Variants in MMP26 observed in about 807,000 individuals in gnomAD.
MMP26 encodes matrix metallopeptidase 26, also known as matrix metalloproteinase-26.
In MMP26, 33 loss-of-function variants were observed where a neutral mutation model predicts 31.0. The ratio of observed to expected loss-of-function variants is 1.06; its 90% CI spans 0.81 to 1.42. The LOEUF (loss-of-function observed/expected upper bound fraction) is 1.42, where lower values mean the gene tolerates loss of function less well. Ranked by LOEUF, MMP26 falls within the 40% of genes most tolerant of loss-of-function variation. MMP26 has a pLI of 0.00. For synonymous variants in MMP26, 122 were observed against 114.9 expected (o/e 1.06, Z -0.40); for missense variants, 347 against 316.1 (o/e 1.10, Z -0.74).
intron 2 of MMP26, among the ~76,000 whole-genome samples, chr11:4,905,453 C>T (rs1368661494): frequency 1.3e-5 from 2 of 152,116 alleles, no homozygotes; most frequent in Non-Finnish European, 2.9e-5. Flanking sequence ...TCACAAAATA[C>T]AGTATGAATT....
intron 2 of MMP26, among the ~76,000 whole-genome samples, chr11:4,905,210 C>A (rs1234678561): frequency 6.6e-6 from 1 of 152,124 alleles, no homozygotes; most frequent in Non-Finnish European, 1.5e-5. Context: ...TGACATCTCA[C>A]AATCTGCTAC....
At chr11:4,787,976 G>A (rs1337508747) in intron 2 of MMP26, among the ~76,000 whole-genome samples, 8 of 152,102 alleles carry the variant, frequency 5.3e-5, no homozygotes, top group Non-Finnish European at 1.0e-4. Flanking sequence ...ATTAGTTTAA[G>A]ATAAAAAATC....
chr11:4,990,656 G>T lies in MMP26; in HGVS notation c.379G>T (p.Ala127Ser). 6.2e-7 allele frequency: 1 copy of T among 1,614,106 alleles called. No homozygotes were observed. Among genetic ancestry groups the T allele is most frequent in the South Asian group, 1.1e-5 (1 of 91,082 alleles). ...CGCAGTGAAAGACAGTATATATAAT[G>T]CAGTTTCCATCTGGAGCAATGTGAC... ...PSAVKDSIYN[A>S]VSIWSNVTPL... The change falls in exon 5 of 8, where the codon GCA (alanine) becomes TCA (serine). Residue 127 changes from alanine (A) to serine (S), a missense_variant. Coordinates refer to ENST00000380390, the MANE Select transcript of MMP26 (RefSeq NM_021801.5).
chr11:4,924,006 T>C (rs35666095), intron 2 of MMP26: 175,639 of 1,613,884 alleles, frequency 0.11, 10,549 homozygotes, highest in Non-Finnish European at 0.11. Context: ...GATGACTCCA[T>C]TGAAGACAAG....
chr11:4,705,530 T>G (rs1298953788), intron 1 of MMP26, among the ~76,000 whole-genome samples: 1 of 152,166 alleles, frequency 6.6e-6, no homozygotes, highest in Admixed American at 6.5e-5. Flanking sequence ...TTCCTGGTAG[T>G]CTGGTAATAG....
intron 1 of MMP26, among the ~76,000 whole-genome samples, chr11:4,716,805 G>A (rs753652015): frequency 1.3e-5 from 2 of 151,812 alleles, no homozygotes; most frequent in South Asian, 2.1e-4. Context: ...GGGATTACAC[G>A]TGTGTGCCAA....
At chr11:4,800,095 T>C (rs1252199171) in intron 2 of MMP26, among the ~76,000 whole-genome samples, 1 of 152,150 alleles carries the variant, frequency 6.6e-6, no homozygotes, top group Non-Finnish European at 1.5e-5. Context: ...TGGCCCCCCT[T>C]CCACAGGTCC....
chr11:4,809,427 C>T (rs939304977), intron 2 of MMP26, among the ~76,000 whole-genome samples: 2 of 152,170 alleles, frequency 1.3e-5, no homozygotes, highest in African/African-American at 2.4e-5. Context: ...GGGTTTGATT[C>T]CAACTATAAC....
At chr11:4,881,086 T>A (rs952666214) in intron 2 of MMP26, among the ~76,000 whole-genome samples, 1 of 152,154 alleles carries the variant, frequency 6.6e-6, no homozygotes, top group African/African-American at 2.4e-5. Flanking sequence ...ATTGCTCTGG[T>A]TAGCCAGCAA....
At chr11:4,899,724 C>A (rs1451496284) in intron 2 of MMP26, among the ~76,000 whole-genome samples, 1 of 152,144 alleles carries the variant, frequency 6.6e-6, no homozygotes, top group Non-Finnish European at 1.5e-5. Flanking sequence ...CTAATGACCT[C>A]TTTCCTTGCC....
intron 2 of MMP26, among the ~76,000 whole-genome samples, chr11:4,835,473 A>G (rs1209019949): frequency 6.6e-6 from 1 of 151,876 alleles, no homozygotes; most frequent in African/African-American, 2.4e-5. Context: ...CAGAGGGAGG[A>G]TAGGATCCTA....
At chr11:4,915,335 T>C in intron 2 of MMP26, 1 of 1,613,710 alleles carries the variant, frequency 6.2e-7, no homozygotes, top group Non-Finnish European at 8.5e-7. Flanking sequence ...GGAGAAGCAG[T>C]GAATGAAAAA....
rs1490361180 is a variant in MMP26 at position 4,989,658 on chromosome 11, A to T, written c.110A>T (p.His37Leu). The T allele has an allele frequency of 4.3e-6, 7 of 1,611,716 alleles. No homozygotes were observed. Among genetic ancestry groups the T allele is most frequent in the Non-Finnish European group, 5.9e-6 (7 of 1,179,676 alleles). ...CTTGATCTGATTCAGGGCTATTTCC[A>T]TCAATTTTTCCTGACCAAGAAGGAG... ...KGWDFVEGYF[H>L]QFFLTKKESP... Residue 37 changes from histidine (H) to leucine (L), a missense_variant, in exon 4 of 8, where the codon CAT (histidine) becomes CTT (leucine). By Grantham distance (99) the His-to-Leu change is moderately conservative. Coordinates refer to ENST00000380390, the MANE Select transcript of MMP26 (RefSeq NM_021801.5).
At chr11:4,761,807 C>A (rs773414696) in intron 1 of MMP26, among the ~76,000 whole-genome samples, 13 of 152,220 alleles carry the variant, frequency 8.5e-5, no homozygotes, top group Non-Finnish European at 1.8e-4. Context: ...CAGGTAATAG[C>A]ATAATGCCAG....
chr11:4,866,464 C>T (rs548408399), intron 2 of MMP26, among the ~76,000 whole-genome samples: 3 of 152,076 alleles, frequency 2.0e-5, no homozygotes, highest in Non-Finnish European at 4.4e-5. Context: ...ACATTTAATG[C>T]TCATGGATAG....
At chr11:4,767,817 A>G (rs907372242) in intron 2 of MMP26, among the ~76,000 whole-genome samples, 1 of 152,122 alleles carries the variant, frequency 6.6e-6, no homozygotes, top group Non-Finnish European at 1.5e-5. Flanking sequence ...TATTTTTCCA[A>G]TGGCAATAAA....
chr11:4,783,930 C>A (rs138033919), intron 2 of MMP26, among the ~76,000 whole-genome samples: 75 of 152,292 alleles, frequency 4.9e-4, no homozygotes, highest in African/African-American at 1.4e-3. Context: ...GCTTTAAGTC[C>A]AGTTAAACCT....
rs139464342 is a variant in MMP26, at chr11:4,825,206, G to A, written c.-145+57865G>A. Reference sequence around the variant, plus strand: ...AGTAAGAAGGGATCTGTTTCTTCTGGCATAAAATATTCAAAAGTCTCAAGA... The same window carrying A: ...AGTAAGAAGGGATCTGTTTCTTCTGACATAAAATATTCAAAAGTCTCAAGA... On this transcript the variant is annotated intron_variant, in intron 2 of 7. Coordinates refer to ENST00000380390, the MANE Select transcript of MMP26 (RefSeq NM_021801.5). Among the ~76,000 whole-genome samples the A allele has an allele frequency of 5.4e-3, 822 of 152,134 alleles. 6 individuals are homozygous for A. The highest frequency in any genetic ancestry group is 0.016 in the African/African-American group (675 of 41,510).
intron 1 of MMP26, among the ~76,000 whole-genome samples, chr11:4,720,194 G>A (rs1339284576): frequency 1.3e-5 from 2 of 152,194 alleles, no homozygotes; most frequent in African/African-American, 4.8e-5. Context: ...CAGGGAAGAT[G>A]TCGAGCATAA....
Sources: gnomAD v4.1 joint callset for allele counts (sites outside exome capture counted in the v4.1 genomes callset) on GRCh38, gnomAD v4.1.1 for gene constraint, MANE v1.5 for transcripts, NCBI Gene and HGNC (gene_info 2026-07-23, HGNC 2026-07-21) for gene names.